Variants in ELMO1 observed in about 807,000 individuals in gnomAD.
The protein encoded by ELMO1 is engulfment and cell motility 1.
Under a neutral mutation model 98.9 loss-of-function variants are expected in ELMO1, and 26 were observed. The ratio of observed to expected loss-of-function variants is 0.26; its 90% CI spans 0.19 to 0.36. ELMO1 has a LOEUF of 0.36. ELMO1 is among the 10% of genes least tolerant of loss of function. The pLI is 1.00. For missense variants in ELMO1, 627 were observed against 935.2 expected, an observed-to-expected ratio of 0.67 and a Z score of 4.30; for synonymous variants, 346 against 346.0, an observed-to-expected ratio of 1.00 and a Z score of 0.00.
At chr7:36,859,514 G>A (rs1802450237) in intron 21 of ELMO1, among the ~76,000 whole-genome samples, 2 of 152,186 alleles carry the variant, frequency 1.3e-5, no homozygotes, top group African/African-American at 4.8e-5. Context: ...TGCCAGGAAT[G>A]TGCGAGCTCA....
chr7:37,345,485 G>A (rs1366296133), intron 1 of ELMO1, among the ~76,000 whole-genome samples: 3 of 151,988 alleles, frequency 2.0e-5, no homozygotes, highest in Non-Finnish European at 4.4e-5. Context: ...TGAGGCGGGT[G>A]GATCACTTGA....
chr7:36,922,710 C>G (rs1184912027), intron 16 of ELMO1, among the ~76,000 whole-genome samples: 1 of 152,134 alleles, frequency 6.6e-6, no homozygotes, highest in Non-Finnish European at 1.5e-5. Flanking sequence ...TGGCTGAGTT[C>G]CAGGCAATAG....
intron 13 of ELMO1, among the ~76,000 whole-genome samples, chr7:37,178,664 C>T (rs1422832879): frequency 6.6e-6 from 1 of 152,000 alleles, no homozygotes; most frequent in African/African-American, 2.4e-5. Context: ...TTTAAAACCA[C>T]ACAATAGTAG....
chr7:37,095,325 G>T (rs999752952), intron 15 of ELMO1, among the ~76,000 whole-genome samples: 1 of 152,186 alleles, frequency 6.6e-6, no homozygotes, highest in African/African-American at 2.4e-5. Context: ...TTTGATTTAG[G>T]ACTTACATCC....
chr7:37,332,310 G>C (rs781675931), intron 2 of ELMO1, among the ~76,000 whole-genome samples: 15 of 152,352 alleles, frequency 9.8e-5, no homozygotes, highest in Middle Eastern at 6.8e-3. Flanking sequence ...TGTATCAATA[G>C]ACAGAAAAAG....
intron 13 of ELMO1, among the ~76,000 whole-genome samples, chr7:37,196,804 G>A (rs111536667): frequency 3.2e-4 from 48 of 152,228 alleles, no homozygotes; most frequent in African/African-American, 9.9e-4. Flanking sequence ...CTTTTTATTC[G>A]TCTCTAAAAT....
At chr7:37,362,692 A>G (rs1047358259) in intron 1 of ELMO1, among the ~76,000 whole-genome samples, 2 of 152,102 alleles carry the variant, frequency 1.3e-5, no homozygotes, top group African/African-American at 2.4e-5. Context: ...CAAATTTAAC[A>G]TATCAAAAAC....
intron 1 of ELMO1, among the ~76,000 whole-genome samples, chr7:37,359,197 T>C (rs1801606990): frequency 6.6e-6 from 1 of 152,260 alleles, no homozygotes; most frequent in South Asian, 2.1e-4. Context: ...TCCTACTCCT[T>C]CCTTGCAGGA....
At chr7:37,131,612 T>G (rs943290466) in intron 14 of ELMO1, among the ~76,000 whole-genome samples, 1 of 152,232 alleles carries the variant, frequency 6.6e-6, no homozygotes, top group Non-Finnish European at 1.5e-5. Flanking sequence ...TACTACATGG[T>G]ATCTCAAAAA....
intron 13 of ELMO1, among the ~76,000 whole-genome samples, chr7:37,164,813 C>T (rs1404029269): frequency 6.7e-6 from 1 of 150,102 alleles, no homozygotes; most frequent in East Asian, 1.9e-4. Flanking sequence ...ATTGACTTGG[C>T]AATGCGGGCT....
intron 2 of ELMO1, among the ~76,000 whole-genome samples, chr7:37,331,170 T>A (rs57360780): frequency 0.069 from 7,370 of 107,102 alleles, 259 homozygotes; most frequent in African/African-American, 0.1. Flanking sequence ...AACTACTGCA[T>A]TTTTCTTTTT....
intron 16 of ELMO1, among the ~76,000 whole-genome samples, chr7:36,961,400 A>G (rs1225369918): frequency 1.3e-5 from 2 of 152,226 alleles, no homozygotes; most frequent in Non-Finnish European, 2.9e-5. Context: ...TTTAAAAGCT[A>G]ATCTCTCTAT....
At chr7:37,180,918 G>A (rs145957952) in intron 13 of ELMO1, among the ~76,000 whole-genome samples, 206 of 152,086 alleles carry the variant, frequency 1.4e-3, no homozygotes, top group African/African-American at 4.8e-3. Flanking sequence ...CTGGTGGAAG[G>A]TTATGCAGAG....
At chr7:37,009,517 T>TA (rs1793397852) in intron 16 of ELMO1, among the ~76,000 whole-genome samples, 1 of 152,308 alleles carries the variant, frequency 6.6e-6, no homozygotes, top group South Asian at 2.1e-4. Context: ...AAGCACTAGA[T>TA]ATCTATAAAC....
chr7:37,168,865 G>C (rs1355532996), intron 13 of ELMO1, among the ~76,000 whole-genome samples: 1 of 152,150 alleles, frequency 6.6e-6, no homozygotes, highest in African/African-American at 2.4e-5. Flanking sequence ...CTGCTCTCTT[G>C]AAAGCTGTCA....
chr7:37,025,371 T>A (rs1794507269), intron 15 of ELMO1, among the ~76,000 whole-genome samples: 1 of 152,186 alleles, frequency 6.6e-6, no homozygotes, highest in African/African-American at 2.4e-5. Context: ...CATAGGGAGA[T>A]GTAGCTAATT....
intron 13 of ELMO1, among the ~76,000 whole-genome samples, chr7:37,151,061 T>C (rs555333389): frequency 6.6e-6 from 1 of 152,272 alleles, no homozygotes; most frequent in Admixed American, 6.5e-5. Flanking sequence ...CTGCAGTCAG[T>C]GTGAGTGGCC....
intron 13 of ELMO1, among the ~76,000 whole-genome samples, chr7:37,162,083 G>A (rs1789262275): frequency 6.7e-6 from 1 of 150,340 alleles, no homozygotes; most frequent in Admixed American, 6.7e-5. Flanking sequence ...AGTGCACGGT[G>A]GGGGTAAACT....
intron 16 of ELMO1, among the ~76,000 whole-genome samples, chr7:36,899,429 G>T (rs776761858): frequency 2.6e-5 from 4 of 152,028 alleles, no homozygotes; most frequent in Non-Finnish European, 5.9e-5. Flanking sequence ...AGGGAGAAGG[G>T]AATTCTAAGC....
Sources: allele counts gnomAD v4.1 joint callset (sites outside exome capture counted in the v4.1 genomes callset), GRCh38; gene constraint gnomAD v4.1.1; transcripts MANE v1.5; gene names NCBI Gene and HGNC (gene_info 2026-07-23, HGNC 2026-07-21).